ZNF654: variants seen among roughly 807,000 people sequenced by gnomAD.
The protein encoded by ZNF654 is melanoma-associated antigen.
Under a neutral mutation model 95.3 loss-of-function variants are expected in ZNF654, and 19 were observed. That is an observed-to-expected ratio of 0.20 (90% CI 0.14 to 0.29). The LOEUF (loss-of-function observed/expected upper bound fraction) is 0.29, where lower values mean the gene tolerates loss of function less well. Among genes scored for constraint, ZNF654 ranks in the 10% least tolerant of loss-of-function variants. The probability of loss-of-function intolerance (pLI) is 1.00; values close to 1 mark genes in which losing one functional copy is unlikely to be tolerated. For missense variants in ZNF654, 1,046 were observed against 1,341.0 expected, an observed-to-expected ratio of 0.78 and a Z score of 3.44; for synonymous variants, 413 against 457.9, an observed-to-expected ratio of 0.90 and a Z score of 1.25.
intron 1 of ZNF654, among the ~76,000 whole-genome samples, chr3:88,085,931 G>T (rs1708315582): frequency 6.6e-6 from 1 of 151,964 alleles, no homozygotes; most frequent in South Asian, 2.1e-4. Context: ...CTACTCTCCA[G>T]CTATTTTAAT....
chr3:88,128,518 TAATG>T (rs1706254761), intron 4 of ZNF654, among the ~76,000 whole-genome samples: 2 of 152,092 alleles, frequency 1.3e-5, no homozygotes, highest in South Asian at 4.1e-4. Flanking sequence ...TTTAACATAT[TAATG>T]AACTGAAAGA....
At chr3:88,120,760 G>T (rs1251770255) in intron 3 of ZNF654, among the ~76,000 whole-genome samples, 1 of 152,034 alleles carries the variant, frequency 6.6e-6, no homozygotes, top group African/African-American at 2.4e-5. Flanking sequence ...CATTTAAAAA[G>T]GATGAAACTA....
At chr3:88,120,073 T>TA (rs1705676118) in intron 3 of ZNF654, among the ~76,000 whole-genome samples, 1 of 54,622 alleles carries the variant, frequency 1.8e-5, no homozygotes, top group Non-Finnish European at 5.4e-5. Flanking sequence ...TTCTACTTAT[T>TA]TAAAAAAAAA....
At chr3:88,128,646 C>G (rs1380313785) in intron 4 of ZNF654, among the ~76,000 whole-genome samples, 163 bp from the exon 5 acceptor site, 1 of 151,970 alleles carries the variant, frequency 6.6e-6, no homozygotes, top group Non-Finnish European at 1.5e-5. Flanking sequence ...CTTTTTCCAA[C>G]CATATAACTG....
At chr3:88,095,383 G>A (rs1436664252) in intron 2 of ZNF654, 9 of 328,850 alleles carry the variant, frequency 2.7e-5, no homozygotes, top group Non-Finnish European at 5.2e-5. Flanking sequence ...TATGTACTAA[G>A]AGAAGTGACA....
chr3:88,105,380 T>C (rs1462054956), intron 2 of ZNF654, among the ~76,000 whole-genome samples: 1 of 152,198 alleles, frequency 6.6e-6, no homozygotes, highest in Non-Finnish European at 1.5e-5. Context: ...TTCTGTGAAT[T>C]CTATGAATTT....
At chr3:88,093,947 C>T (rs554468818) in intron 2 of ZNF654, among the ~76,000 whole-genome samples, 27 of 152,264 alleles carry the variant, frequency 1.8e-4, no homozygotes, top group Admixed American at 1.2e-3. Flanking sequence ...TTACTCCTGA[C>T]TCTTTATATT....
intron 3 of ZNF654, among the ~76,000 whole-genome samples, chr3:88,119,562 AC>A (rs906399552): frequency 4.6e-5 from 7 of 151,804 alleles, no homozygotes; most frequent in African/African-American, 1.5e-4. Flanking sequence ...AAAAAAAAAA[AC>A]AATAATTATT....
At chr3:88,116,278 T>C (rs1705385249) in intron 3 of ZNF654, among the ~76,000 whole-genome samples, 1 of 152,040 alleles carries the variant, frequency 6.6e-6, no homozygotes, top group Admixed American at 6.6e-5. Context: ...CCCAGCACTT[T>C]GGGAGGCCGA....
In ZNF654 at chr3:88,062,026, G is replaced by T. The variant is rs113702445; in HGVS notation, c.186+2521G>T. Among the ~76,000 whole-genome samples, 1,048 of 152,278 alleles carry T rather than the reference G, an allele frequency of 6.9e-3. 8 individuals are homozygous for T. Among genetic ancestry groups the T allele is most frequent in the Middle Eastern group, 0.02 (6 of 294 alleles). ...GAGGAAGGAACACTTCTTTTCCAGA[G>T]GGGTTTTTGTGTCTTTTACCATAAG... On this transcript the variant is annotated intron_variant, in intron 1 of 8. Transcript: ENST00000636215.
intron 8 of ZNF654, among the ~76,000 whole-genome samples, chr3:88,141,287 A>G (rs1322832332): frequency 6.6e-6 from 1 of 152,112 alleles, no homozygotes; most frequent in East Asian, 1.9e-4. Flanking sequence ...TTGCCTATGA[A>G]CTTGTGCAAG....
At chr3:88,095,700 T>G (rs1225448238) in intron 2 of ZNF654, 1 of 406,470 alleles carries the variant, frequency 2.5e-6, no homozygotes. Flanking sequence ...TTTGAGAAAT[T>G]GGATTTCTTT....
chr3:88,143,294 G>A lies in ZNF654; in HGVS notation c.*1642G>A, dbSNP rs764432857. On this transcript the variant is annotated 3_prime_UTR_variant, in exon 9 of 9. Transcript: ENST00000636215. ...CACTACTATGCAATGATGGTCATAA[G>A]TCCATTCCAAATTTAAATTTGTTTC... 1.3e-5 allele frequency: 2 copies of A among 152,116 alleles called. No homozygotes were observed. Among genetic ancestry groups the A allele is most frequent in the African/African-American group, 4.8e-5 (2 of 41,386 alleles). 9.4% of individuals were successfully genotyped at this position (152,116 alleles called of 1,614,324 possible).
intron 1 of ZNF654, among the ~76,000 whole-genome samples, chr3:88,075,940 C>T (rs137872724): frequency 3.3e-5 from 5 of 152,302 alleles, no homozygotes; most frequent in African/African-American, 1.2e-4. Flanking sequence ...CCAAGACTGA[C>T]CTCTTAACTT....
rs1179277709 is a variant in ZNF654, at chr3:88,060,016, A to C, written c.186+511A>C. On this transcript the variant is annotated intron_variant, in intron 1 of 8. Coordinates refer to ENST00000636215, the MANE Select transcript of ZNF654 (RefSeq NM_001350134.2). ...TTCTAGGGTCTCCTGTCATCCCCTC[A>C]CAAGATCCCGCTGGGCCGGTTCTCC... 4.0e-5 allele frequency among the ~76,000 whole-genome samples: 6 copies of C among 150,852 alleles called. No homozygotes were observed. The East Asian group carries it at 7.9e-4, about 20-fold the overall frequency.
At chr3:88,083,099 T>G (rs561372617) in intron 1 of ZNF654, among the ~76,000 whole-genome samples, 1 of 147,826 alleles carries the variant, frequency 6.8e-6, no homozygotes, top group African/African-American at 2.5e-5. Flanking sequence ...TCACCACCAA[T>G]CCTACTGGAA....
intron 1 of ZNF654, among the ~76,000 whole-genome samples, chr3:88,060,816 G>A (rs569937454): frequency 2.0e-5 from 3 of 151,852 alleles, no homozygotes; most frequent in Non-Finnish European, 4.4e-5. Context: ...GCTTGTAAGG[G>A]AAAGCTTGTA....
At chr3:88,101,199 G>A (rs1704401803) in intron 2 of ZNF654, among the ~76,000 whole-genome samples, 1 of 151,978 alleles carries the variant, frequency 6.6e-6, no homozygotes, top group Admixed American at 6.6e-5. Flanking sequence ...AAGTTTTATA[G>A]AGTTGTGCAA....
At chr3:88,121,339 A>G (rs1303232851) in intron 3 of ZNF654, among the ~76,000 whole-genome samples, 1 of 152,144 alleles carries the variant, frequency 6.6e-6, no homozygotes, top group Non-Finnish European at 1.5e-5. Flanking sequence ...AAGTTTTTTA[A>G]TGGCATAATA....
Sources: allele counts gnomAD v4.1 joint callset (sites outside exome capture counted in the v4.1 genomes callset), GRCh38; gene constraint gnomAD v4.1.1; transcripts MANE v1.5; gene names NCBI Gene and HGNC (gene_info 2026-07-23, HGNC 2026-07-21).